The following KCNMA1 variants were observed in gnomAD, a reference collection of about 807,000 sequenced individuals.
KCNMA1 encodes potassium calcium-activated channel subfamily M alpha 1, also known as Calcium-activated potassium channel subunit alpha-1.
KCNMA1 carries 29 observed loss-of-function variants against 140.0 expected under a neutral mutation model. The observed-to-expected ratio is 0.21, with a 90% CI of 0.15 to 0.28. The LOEUF (loss-of-function observed/expected upper bound fraction) is 0.28. Among genes scored for constraint, KCNMA1 ranks in the 10% least tolerant of loss-of-function variants. The pLI is 1.00. For synonymous variants in KCNMA1, 612 were observed against 611.9 expected (o/e 1.00, Z 0.00); for missense variants, 880 against 1,602.2 (o/e 0.55, Z 7.70).
chr10:77,245,078 G>GGA (rs986183286), intron 3 of KCNMA1, among the ~76,000 whole-genome samples: 11 of 144,706 alleles, frequency 7.6e-5, no homozygotes, highest in African/African-American at 2.8e-4. Flanking sequence ...ATTTTAAAAG[G>GGA]AAAAAAAAAA....
At chr10:77,290,730 T>C (rs1467328328) in intron 2 of KCNMA1, among the ~76,000 whole-genome samples, 2 of 152,118 alleles carry the variant, frequency 1.3e-5, no homozygotes, top group East Asian at 3.8e-4. Context: ...ATGGTACCTC[T>C]GAAAAAAACA....
At chr10:77,395,615 T>C (rs887120908) in intron 2 of KCNMA1, among the ~76,000 whole-genome samples, 1 of 152,226 alleles carries the variant, frequency 6.6e-6, no homozygotes, top group Admixed American at 6.5e-5. Flanking sequence ...CTGATATGCA[T>C]TGGCAATCTC....
intron 1 of KCNMA1, among the ~76,000 whole-genome samples, chr10:77,601,902 C>G (rs2082784120): frequency 1.3e-5 from 2 of 152,218 alleles, no homozygotes; most frequent in Admixed American, 6.5e-5. Context: ...CCAGGCAGTA[C>G]AGAGTTCTGA....
At chr10:77,542,109 TC>T (rs1299508349) in intron 1 of KCNMA1, among the ~76,000 whole-genome samples, 1 of 152,160 alleles carries the variant, frequency 6.6e-6, no homozygotes, top group Non-Finnish European at 1.5e-5. Context: ...GTCCCTTCCA[TC>T]ATGTGAGGAC....
chr10:77,364,004 G>A (rs1024682528), intron 2 of KCNMA1, among the ~76,000 whole-genome samples: 3 of 151,956 alleles, frequency 2.0e-5, no homozygotes, highest in South Asian at 2.1e-4. Context: ...TTATTCTCTC[G>A]ACCAGTTTGC....
rs554760822 is a variant in KCNMA1 at position 77,502,287 on chromosome 10, C to T, written c.379-98264G>A. Among the ~76,000 whole-genome samples, 3 of 152,302 alleles carry T rather than the reference C, an allele frequency of 2.0e-5. No individual in the cohort carries two copies. In the South Asian group the frequency reaches 6.2e-4, roughly 32 times the overall value. On this transcript the variant is annotated intron_variant, in intron 1 of 27. Coordinates refer to ENST00000286628, the MANE Select transcript of KCNMA1 (RefSeq NM_001161352.2). Reference sequence around the variant, plus strand: ...AGCATTTCCCTTACATGGAGAAATACACCTCTTGTCTTGCTTCATTCACAG... The same window carrying T: ...AGCATTTCCCTTACATGGAGAAATATACCTCTTGTCTTGCTTCATTCACAG...
chr10:77,149,053 G>A (rs776431725), intron 5 of KCNMA1, among the ~76,000 whole-genome samples: 4 of 152,150 alleles, frequency 2.6e-5, no homozygotes, highest in African/African-American at 4.8e-5. Flanking sequence ...TCAAATAGAC[G>A]ATGAAATCCT....
At chr10:77,104,382 A>C (rs2097160142) in intron 9 of KCNMA1, among the ~76,000 whole-genome samples, 2 of 152,158 alleles carry the variant, frequency 1.3e-5, no homozygotes, top group African/African-American at 2.4e-5. Flanking sequence ...CTATTCCCCA[A>C]ACCAGAATGG....
intron 1 of KCNMA1, among the ~76,000 whole-genome samples, chr10:77,404,878 G>T (rs569975446): frequency 1.7e-4 from 25 of 150,456 alleles, no homozygotes; most frequent in South Asian, 4.3e-4. Context: ...TGGAACATTT[G>T]CAGGAAAGAA....
intron 1 of KCNMA1, among the ~76,000 whole-genome samples, chr10:77,544,535 A>C (rs2060963813): frequency 6.6e-6 from 1 of 151,994 alleles, no homozygotes; most frequent in Non-Finnish European, 1.5e-5. Context: ...AGGACCACAA[A>C]TTTTCTTTCT....
At chr10:77,171,094 G>C (rs1351114898) in intron 5 of KCNMA1, among the ~76,000 whole-genome samples, 1 of 152,168 alleles carries the variant, frequency 6.6e-6, no homozygotes, top group Non-Finnish European at 1.5e-5. Flanking sequence ...GCCTCACCGT[G>C]GGCTGGACCA....
At chr10:77,246,318 T>C (rs940154242) in intron 3 of KCNMA1, among the ~76,000 whole-genome samples, 1 of 152,224 alleles carries the variant, frequency 6.6e-6, no homozygotes, top group Non-Finnish European at 1.5e-5. Context: ...TAGTAATACC[T>C]ATCCTAAGAA....
chr10:77,578,072 T>C (rs2074771616), intron 1 of KCNMA1, among the ~76,000 whole-genome samples: 1 of 152,236 alleles, frequency 6.6e-6, no homozygotes, highest in South Asian at 2.1e-4. Context: ...ACAGTGCCTC[T>C]GGACACCTCC....
Position 77,241,599 on chromosome 10 carries a change from G to A in KCNMA1, c.602+9596C>T, listed in dbSNP as rs369480785. ...GGAGGCAGAGGTTGTTGTGAGCCATGATTGCACCACTGCACTCCAGTCTGG... is the reference window on the plus strand; with the variant it reads ...GGAGGCAGAGGTTGTTGTGAGCCATAATTGCACCACTGCACTCCAGTCTGG... On this transcript the variant is annotated intron_variant, in intron 3 of 27. Transcript: ENST00000286628. Among the ~76,000 whole-genome samples, 54 of 152,090 alleles carry A rather than the reference G, an allele frequency of 3.6e-4. 1 individual carries two copies. The highest frequency in any genetic ancestry group is 1.2e-3 in the African/African-American group (51 of 41,496).
chr10:77,612,378 G>T (rs2067009694), intron 1 of KCNMA1, among the ~76,000 whole-genome samples: 1 of 152,196 alleles, frequency 6.6e-6, no homozygotes. Flanking sequence ...AGGGGCAGGT[G>T]GGGAGCCTCA....
At chr10:77,000,562 A>G (rs1185771776) in intron 19 of KCNMA1, among the ~76,000 whole-genome samples, 2 of 152,184 alleles carry the variant, frequency 1.3e-5, no homozygotes, top group Non-Finnish European at 2.9e-5. Flanking sequence ...GACTGACATC[A>G]GAGGCCTGTG....
At chr10:76,876,297 A>C (rs2032366451), downstream of KCNMA1, 1 of 152,622 alleles carries the variant, frequency 6.6e-6, no homozygotes. Flanking sequence ...TTTTAAGAAA[A>C]TAGAAATCAC....
intron 19 of KCNMA1, among the ~76,000 whole-genome samples, chr10:76,986,514 G>C (rs1253398971): frequency 6.6e-6 from 1 of 152,214 alleles, no homozygotes; most frequent in Non-Finnish European, 1.5e-5. Context: ...TGGAGAGACA[G>C]GGTTTCCAGG....
At chr10:77,590,126 G>C (rs1286482889) in intron 1 of KCNMA1, among the ~76,000 whole-genome samples, 2 of 152,246 alleles carry the variant, frequency 1.3e-5, no homozygotes, top group Non-Finnish European at 2.9e-5. Context: ...CCTTGAGCTA[G>C]ATACAGAGTG....
Sources: gnomAD v4.1 joint callset for allele counts (sites outside exome capture counted in the v4.1 genomes callset) on GRCh38, gnomAD v4.1.1 for gene constraint, MANE v1.5 for transcripts, NCBI Gene and HGNC (gene_info 2026-07-23, HGNC 2026-07-21) for gene names.